Variants in RHBDD1 observed in about 807,000 individuals in gnomAD.
RHBDD1 encodes rhomboid domain containing 1, also known as rhomboid-related protein 4.
A neutral mutation model predicts 36.3 loss-of-function variants in RHBDD1; 38 were observed. The observed-to-expected ratio is 1.05, with a 90% CI of 0.81 to 1.37. The LOEUF is 1.37. Ranked by LOEUF, RHBDD1 falls within the 40% of genes most tolerant of loss-of-function variation. The pLI, the probability that RHBDD1 is intolerant of heterozygous loss-of-function variation, is 0.00. For synonymous variants in RHBDD1, 151 were observed against 136.5 expected, an observed-to-expected ratio of 1.11 and a Z score of -0.74; for missense variants, 393 against 377.6, an observed-to-expected ratio of 1.04 and a Z score of -0.34.
chr2:226,905,310 A>G (rs1947960022), intron 5 of RHBDD1, among the ~76,000 whole-genome samples: 1 of 152,148 alleles, frequency 6.6e-6, no homozygotes, highest in Non-Finnish European at 1.5e-5. Flanking sequence ...GTGCCAGAAT[A>G]AGGTAGGAGC....
At chr2:226,835,085 T>C (rs1940853195), upstream of RHBDD1, among the ~76,000 whole-genome samples, 1 of 152,158 alleles carries the variant, frequency 6.6e-6, no homozygotes, top group African/African-American at 2.4e-5. Flanking sequence ...CTGTTGTTGT[T>C]TTTTAAATAG....
the RHBDD1 span, among the ~76,000 whole-genome samples, chr2:226,818,323 C>A: frequency 6.7e-6 from 1 of 150,362 alleles, no homozygotes; most frequent in Non-Finnish European, 1.5e-5. Flanking sequence ...CCACACCTGG[C>A]TAATTTTTTT....
chr2:226,918,909 G>A (rs950255393), intron 8 of RHBDD1, among the ~76,000 whole-genome samples: 2 of 152,042 alleles, frequency 1.3e-5, no homozygotes, highest in Non-Finnish European at 2.9e-5. Context: ...CATAGTGGTT[G>A]TACTAATTTA....
intron 8 of RHBDD1, among the ~76,000 whole-genome samples, chr2:226,934,597 G>A (rs1042308711): frequency 1.3e-5 from 2 of 152,086 alleles, no homozygotes; most frequent in African/African-American, 4.8e-5. Context: ...TGCCTTTGTA[G>A]AAGAAATATT....
chr2:226,835,527 GGA>G (rs979600508), upstream of RHBDD1: 4 of 152,254 alleles, frequency 2.6e-5, no homozygotes, highest in African/African-American at 7.2e-5. Context: ...TCCTGAAGCA[GGA>G]GAGTGTCTTT....
At chr2:226,915,943 G>A (rs1948873302) in intron 8 of RHBDD1, among the ~76,000 whole-genome samples, 1 of 152,176 alleles carries the variant, frequency 6.6e-6, no homozygotes, top group Non-Finnish European at 1.5e-5. Flanking sequence ...GCGAGCTAAG[G>A]TGTCTGCGCT....
chr2:226,976,475 A>G (rs904945804), intron 8 of RHBDD1, among the ~76,000 whole-genome samples: 5 of 152,012 alleles, frequency 3.3e-5, no homozygotes, highest in African/African-American at 1.2e-4. Flanking sequence ...ACGCCTCCTT[A>G]CCTGGAAACC....
At chr2:226,953,899 C>G (rs570946246) in intron 8 of RHBDD1, among the ~76,000 whole-genome samples, 2 of 152,176 alleles carry the variant, frequency 1.3e-5, no homozygotes, top group Non-Finnish European at 2.9e-5. Context: ...ACATCTCTGC[C>G]ATTTTACATT....
chr2:226,977,541 G>T (rs1195516745), intron 8 of RHBDD1, among the ~76,000 whole-genome samples: 3 of 152,166 alleles, frequency 2.0e-5, no homozygotes, highest in Non-Finnish European at 4.4e-5. Flanking sequence ...ATAATTTGTA[G>T]CCTGCCCCAG....
the RHBDD1 span, among the ~76,000 whole-genome samples, chr2:226,814,822 T>C: frequency 3.3e-5 from 5 of 152,208 alleles, no homozygotes; most frequent in Admixed American, 2.0e-4. Flanking sequence ...AGAAAAAGCA[T>C]TAGCCAGAAG....
At chr2:226,959,350 T>G (rs1559313749) in intron 8 of RHBDD1, among the ~76,000 whole-genome samples, 1 of 152,322 alleles carries the variant, frequency 6.6e-6, no homozygotes, top group East Asian at 1.9e-4. Context: ...TAACCCATAA[T>G]CAAGATAATT....
chr2:226,881,442 C>T (rs1175849397), intron 5 of RHBDD1, among the ~76,000 whole-genome samples: 1 of 152,194 alleles, frequency 6.6e-6, no homozygotes, highest in Non-Finnish European at 1.5e-5. Flanking sequence ...TTAATGACTG[C>T]ATAATGATTT....
At chr2:226,858,678 C>T (rs1002049100) in intron 3 of RHBDD1, among the ~76,000 whole-genome samples, 1 of 152,088 alleles carries the variant, frequency 6.6e-6, no homozygotes, top group Non-Finnish European at 1.5e-5. Context: ...TTTCTCTCCC[C>T]CTTGAGACAC....
rs1209230570 is a variant in RHBDD1, at chr2:226,839,419, A to T, written c.-299A>T. 3 of 152,140 alleles carry T rather than the reference A, an allele frequency of 2.0e-5. No individual in the cohort carries two copies. The East Asian group carries it at 5.8e-4, about 29-fold the overall frequency. The allele number at this position is 152,140 out of a possible 1,614,324, so 9.4% of individuals were successfully genotyped here. ...ATTTTTTTTCAACAGGGAGCCTCTT[A>T]AACAGAATCTTACCTGTAAAACTCA... On this transcript the variant is annotated 5_prime_UTR_variant, in exon 3 of 9. An upstream open reading frame in the 5' UTR gains an earlier in-frame stop. Transcript: ENST00000392062.
upstream of RHBDD1, among the ~76,000 whole-genome samples, chr2:226,832,719 T>C (rs1212776555): frequency 1.3e-5 from 2 of 152,228 alleles, no homozygotes; most frequent in African/African-American, 4.8e-5. Flanking sequence ...TTTCTGTCTC[T>C]AAAAATATTT....
chr2:226,905,159 CTT>C (rs11289309), intron 5 of RHBDD1, among the ~76,000 whole-genome samples: 158 of 144,094 alleles, frequency 1.1e-3, no homozygotes, highest in Middle Eastern at 3.6e-3. Context: ...ATTTGCTTGG[CTT>C]TTTTTTTTTT....
intron 8 of RHBDD1, among the ~76,000 whole-genome samples, chr2:226,933,276 G>T (rs1010186185): frequency 3.9e-5 from 6 of 152,106 alleles, no homozygotes; most frequent in African/African-American, 1.4e-4. Flanking sequence ...TTATTCCATA[G>T]GCTATCTAGG....
At chr2:226,838,364 T>C (rs1941226985) in intron 2 of RHBDD1, among the ~76,000 whole-genome samples, 1 of 152,224 alleles carries the variant, frequency 6.6e-6, no homozygotes, top group Non-Finnish European at 1.5e-5. Context: ...TTAAATATTT[T>C]TTTTTGTTCT....
intron 4 of RHBDD1, among the ~76,000 whole-genome samples, chr2:226,866,317 A>G (rs1944337004): frequency 6.6e-6 from 1 of 152,036 alleles, no homozygotes; most frequent in Non-Finnish European, 1.5e-5. Context: ...TGATTCACCC[A>G]CCTTGGCCTC....
Sources: gnomAD v4.1 joint callset for allele counts (sites outside exome capture counted in the v4.1 genomes callset) on GRCh38, gnomAD v4.1.1 for gene constraint, MANE v1.5 for transcripts, NCBI Gene and HGNC (gene_info 2026-07-23, HGNC 2026-07-21) for gene names.